The following TRIM6 variants were observed in gnomAD, a reference collection of about 807,000 sequenced individuals.
TRIM6 encodes tripartite motif containing 6, also known as tripartite motif-containing protein 6.
A neutral mutation model predicts 51.2 loss-of-function variants in TRIM6; 43 were observed. The observed-to-expected ratio is 0.84, with a 90% CI of 0.66 to 1.08. The LOEUF is 1.08. TRIM6 is among the 50% of genes least tolerant of loss of function. The pLI is 0.00. For missense variants in TRIM6, 669 were observed against 619.0 expected, an observed-to-expected ratio of 1.08 and a Z score of -0.86; for synonymous variants, 215 against 232.4, an observed-to-expected ratio of 0.93 and a Z score of 0.68.
At chr11:5,598,644 A>G (rs904481043) in intron 1 of TRIM6, among the ~76,000 whole-genome samples, 1 of 152,192 alleles carries the variant, frequency 6.6e-6, no homozygotes, top group Non-Finnish European at 1.5e-5. Context: ...TCAAAATCCA[A>G]TGTGTATTTT....
chr11:5,605,453 GC>G lies in TRIM6; in HGVS notation c.721del (p.Leu241TyrfsTer4), dbSNP rs772166231. 6 of 1,614,192 alleles carry G rather than the reference GC, an allele frequency of 3.7e-6. No individual in the cohort carries two copies. The South Asian group carries it at 6.6e-5, about 18-fold the overall frequency. On this transcript the variant is annotated frameshift_variant, in exon 4 of 8. Coordinates refer to ENST00000380097, the MANE Select transcript of TRIM6 (RefSeq NM_001003818.3). LOFTEE classifies it high-confidence loss of function. ...AGCTGGAACAGGAAGAGAAGAAGGG[GC>G]TACGAATTATAGAAGAGGCTGAGAA... is the stretch of plus-strand genomic sequence containing the variant. The part of the protein sequence containing the change: ...KKLEQEEKKG[L>X]RIIEEAENDL...
chr11:5,600,612 T>TA (rs1433652986), intron 1 of TRIM6, among the ~76,000 whole-genome samples: 1 of 152,210 alleles, frequency 6.6e-6, no homozygotes, highest in Non-Finnish European at 1.5e-5. Context: ...GGCAGTTTGA[T>TA]ATACTTTTTA....
At chr11:5,599,216 C>T (rs953823077) in intron 1 of TRIM6, among the ~76,000 whole-genome samples, 1 of 152,126 alleles carries the variant, frequency 6.6e-6, no homozygotes, top group African/African-American at 2.4e-5. Flanking sequence ...GGATTCTTTT[C>T]AGTTTGGGAC....
intron 5 of TRIM6, among the ~76,000 whole-genome samples, 178 bp downstream of exon 5, chr11:5,608,572 G>A (rs560862143): frequency 2.6e-5 from 4 of 152,068 alleles, no homozygotes; most frequent in Admixed American, 2.0e-4. Flanking sequence ...GGCCTCTCTG[G>A]TAGGAAAATG....
rs201013112 is a variant in TRIM6 at position 5,604,672 on chromosome 11, T to A, written c.603+43T>A. On this transcript the variant is annotated intron_variant, in intron 3 of 7. Transcript: ENST00000380097. ...TGAAGATGTCCTGGGGCAGGAATCA[T>A]GGCAGGTCATAGGAGCTGAGGGCAA... 4.8e-5 allele frequency: 76 copies of A among 1,595,370 alleles called. No homozygotes were observed. In the African/African-American group the frequency reaches 9.7e-4, roughly 20 times the overall value.
At chr11:5,609,372 A>G (rs1848425783) in intron 5 of TRIM6, among the ~76,000 whole-genome samples, 1 of 152,156 alleles carries the variant, frequency 6.6e-6, no homozygotes, top group African/African-American at 2.4e-5. Context: ...CCCAGGGCCT[A>G]AGCCCACAGA....
At position 5,605,327 on chromosome 11, in the gene TRIM6, G is replaced by C; in HGVS notation, c.604-10G>C. Reference sequence around the variant, plus strand: ...GACTAGCAGCCTCTTTTTCTTCCCTGTTCCTGAAGAATCAGATGGAGCCTG... The same window carrying C: ...GACTAGCAGCCTCTTTTTCTTCCCTCTTCCTGAAGAATCAGATGGAGCCTG... On this transcript the variant is annotated splice_polypyrimidine_tract_variant and intron_variant, in intron 3 of 7. Coordinates refer to ENST00000380097, the MANE Select transcript of TRIM6 (RefSeq NM_001003818.3). The C allele has an allele frequency of 6.2e-7, 1 of 1,613,954 alleles. No individual in the cohort carries two copies. The highest frequency in any genetic ancestry group is 8.5e-7 in the Non-Finnish European group (1 of 1,179,982).
At chr11:5,598,772 A>G (rs541089157) in intron 1 of TRIM6, among the ~76,000 whole-genome samples, 1 of 152,168 alleles carries the variant, frequency 6.6e-6, no homozygotes, top group African/African-American at 2.4e-5. Context: ...CAAGCTTTTA[A>G]TTTTTCTTGT....
intron 5 of TRIM6, among the ~76,000 whole-genome samples, chr11:5,609,754 C>T (rs1204405987): frequency 2.0e-5 from 3 of 152,114 alleles, no homozygotes; most frequent in Admixed American, 2.0e-4. Context: ...AACCCTATCT[C>T]TACTAAATAT....
chr11:5,605,313 T>C (rs1848141673), intron 3 of TRIM6, 24 bp from the exon 4 acceptor site: 1 of 1,613,546 alleles, frequency 6.2e-7, no homozygotes, highest in Admixed American at 1.7e-5. Flanking sequence ...ACTAGCAGCC[T>C]CTTTTTCTTC....
intron 3 of TRIM6, chr11:5,605,134 C>A: frequency 3.0e-6 from 2 of 667,688 alleles, no homozygotes; most frequent in East Asian, 2.9e-5. Context: ...TAAAGCAGCC[C>A]GGGGCCAATG....
rs769562027 is a variant in TRIM6, at chr11:5,611,036, A to G, written c.1245A>G (p.Gln415=). The G allele has an allele frequency of 3.7e-6, 6 of 1,614,030 alleles. No individual in the cohort carries two copies. Among genetic ancestry groups the G allele is most frequent in the Admixed American group, 1.7e-5 (1 of 60,004 alleles). Residue 415 remains glutamine (Q), a synonymous_variant, in exon 8 of 8, where the codon CAA becomes CAG. Transcript: ENST00000380097. ...CATTCTCTTTCAACCATTTTGCTCA[A>G]AATCACAGTGCTTACTCCAGGTATC... The part of the protein sequence containing the change: ...GPTFSFNHFA[Q]NHSAYSRYQP...
At chr11:5,600,397 A>C (rs1847764763) in intron 1 of TRIM6, among the ~76,000 whole-genome samples, 1 of 147,590 alleles carries the variant, frequency 6.8e-6, no homozygotes, top group Admixed American at 6.6e-5. Flanking sequence ...GCTGCTGCTA[A>C]GCATGGCAAA....
chr11:5,600,776 A>G (rs1590083451), intron 1 of TRIM6, among the ~76,000 whole-genome samples: 1 of 152,108 alleles, frequency 6.6e-6, no homozygotes, highest in East Asian at 1.9e-4. Flanking sequence ...CTCCCTACGC[A>G]CTGTGGCCTG....
In TRIM6 at chr11:5,612,733, G is replaced by A. The variant is rs1848622582; in HGVS notation, c.*1391G>A. On this transcript the variant is annotated 3_prime_UTR_variant, in exon 8 of 8. Transcript: ENST00000380097. ...AAATATCAAGGATGAGAATGGCACT[G>A]GCTGTCCCATATGGTATCCAGGAGC... 1 of 152,172 alleles carries A rather than the reference G, an allele frequency of 6.6e-6. No homozygotes were observed. The highest frequency in any genetic ancestry group is 1.5e-5 in the Non-Finnish European group (1 of 68,030). 9.4% of individuals were successfully genotyped at this position (152,172 alleles called of 1,614,324 possible).
Position 5,611,391 on chromosome 11 carries a change from A to G in TRIM6, c.*49A>G. ...TCTGATAAGTACCCTGAGGCTTATC[A>G]GCATGTGATTCTCCCTTCTGATCTT... On this transcript the variant is annotated 3_prime_UTR_variant, in exon 8 of 8. Coordinates refer to ENST00000380097, the MANE Select transcript of TRIM6 (RefSeq NM_001003818.3). The G allele has an allele frequency of 7.3e-7, 1 of 1,374,760 alleles. No individual in the cohort carries two copies. The highest frequency in any genetic ancestry group is 1.0e-6 in the Non-Finnish European group (1 of 990,180). 85.2% of individuals were successfully genotyped at this position (1,374,760 alleles called of 1,614,324 possible). A position where few individuals can be genotyped will look rare whatever the true frequency, so the allele number is the denominator to read the frequency against.
chr11:5,605,701 C>T (rs1175554473), intron 4 of TRIM6, 134 bp downstream of exon 4: 5 of 1,077,080 alleles, frequency 4.6e-6, no homozygotes, highest in Non-Finnish European at 6.5e-6. Context: ...AGTGCCTATC[C>T]CCTATTAAAC....
intron 1 of TRIM6, among the ~76,000 whole-genome samples, chr11:5,597,743 A>G (rs1847561648): frequency 6.6e-6 from 1 of 152,194 alleles, no homozygotes. Flanking sequence ...AGCCATTTTG[A>G]TATCGATGCA....
In TRIM6 at chr11:5,603,465, A is replaced by AG. The variant is rs1332356567; in HGVS notation, c.241dup (p.Glu81GlyfsTer19). 1 of 1,613,990 alleles carries AG rather than the reference A, an allele frequency of 6.2e-7. No homozygotes were observed. The highest frequency in any genetic ancestry group is 8.5e-7 in the Non-Finnish European group (1 of 1,180,032). The stretch of plus-strand genomic sequence containing the variant: ...GCAGGGAATCAGTGATTGGTCAAGA[A>AG]GGGGAAAGAAGCTGCCCTGTGTGCC... On this transcript the variant is annotated frameshift_variant, in exon 2 of 8. Transcript: ENST00000380097. LOFTEE classifies it high-confidence loss of function.
Sources: gnomAD v4.1 joint callset for allele counts (sites outside exome capture counted in the v4.1 genomes callset) on GRCh38, gnomAD v4.1.1 for gene constraint, MANE v1.5 for transcripts, NCBI Gene and HGNC (gene_info 2026-07-23, HGNC 2026-07-21) for gene names.